Variants in PAK3 observed in about 807,000 individuals in gnomAD.
PAK3 encodes serine/threonine-protein kinase PAK 3.
PAK3 carries 4 observed loss-of-function variants against 41.0 expected under a neutral mutation model. The ratio of observed to expected loss-of-function variants is 0.10; its 90% CI spans 0.05 to 0.22. The LOEUF (loss-of-function observed/expected upper bound fraction) is 0.22. Among genes scored for constraint, PAK3 ranks in the 10% least tolerant of loss-of-function variants. PAK3 has a pLI of 1.00. For missense variants in PAK3, 205 were observed against 409.9 expected (o/e 0.50, Z 4.32); for synonymous variants, 146 against 139.6 (o/e 1.05, Z -0.32).
chrX:111,042,863 C>T (rs191933458), intron 1 of PAK3, among the ~76,000 whole-genome samples: 22 of 112,205 alleles, frequency 2.0e-4, no homozygotes, highest in East Asian at 8.4e-4. Context: ...TTTTATGTCC[C>T]TTTCCCCTCA....
chrX:111,022,101 A>G (rs2092193296), intron 1 of PAK3, among the ~76,000 whole-genome samples: 1 of 112,206 alleles, frequency 8.9e-6, no homozygotes, highest in Non-Finnish European at 1.9e-5. Flanking sequence ...TGGAAAACAT[A>G]TTTGAGGGAA....
At chrX:111,006,844 T>TCTTA (rs2091935788) in intron 1 of PAK3, among the ~76,000 whole-genome samples, 2 of 12,506 alleles carry the variant, frequency 1.6e-4, no homozygotes, top group African/African-American at 2.4e-4. Flanking sequence ...TTTCTTTCTT[T>TCTTA]CTTTCTTTTT....
chrX:110,960,262 G>T (rs1238060739), intron 1 of PAK3, among the ~76,000 whole-genome samples: 1 of 112,121 alleles, frequency 8.9e-6, no homozygotes, highest in African/African-American at 3.2e-5. Flanking sequence ...TATCAGGAAG[G>T]TGCCAGTGAG....
chrX:110,987,315 C>T lies in PAK3; in HGVS notation c.-28+42687C>T, dbSNP rs571102528. ...CTTGTGGAAGTCGGGGCAACCTGTC[C>T]CTCAGGCAGTGTGGATGGAGAGTGT... is the stretch of plus-strand genomic sequence containing the variant. On this transcript the variant is annotated intron_variant, in intron 1 of 14. Transcript: ENST00000425146. Among the ~76,000 whole-genome samples, 14 of 112,683 alleles carry T rather than the reference C, an allele frequency of 1.2e-4. No homozygotes were observed. The South Asian group carries it at 4.8e-3, about 39-fold the overall frequency.
chrX:111,162,974 AGAG>A lies in PAK3; in HGVS notation c.531_533del (p.Glu182del). 1 of 1,204,197 alleles carries A rather than the reference AGAG, an allele frequency of 8.3e-7. No homozygotes were observed. The highest frequency in any genetic ancestry group is 1.1e-6 in the Non-Finnish European group (1 of 888,754). ...CTCCTGTGTCTGAAGAAGAAGATGA[AGAG>A]GAAGAAGAAGAAGAAGATGAAAATG... On this transcript the variant is annotated inframe_deletion, in exon 9 of 18. Coordinates refer to ENST00000372007, the MANE Select transcript of PAK3 (RefSeq NM_002578.5).
intron 1 of PAK3, among the ~76,000 whole-genome samples, chrX:110,974,366 T>C (rs537006700): frequency 4.5e-5 from 5 of 111,817 alleles, no homozygotes; most frequent in Admixed American, 9.5e-5. Flanking sequence ...CTAGAAGAAA[T>C]GGATAAATTC....
At chrX:110,994,140 C>G (rs2091700081) in intron 1 of PAK3, among the ~76,000 whole-genome samples, 1 of 112,209 alleles carries the variant, frequency 8.9e-6, no homozygotes, top group African/African-American at 3.2e-5. Context: ...AGCAGTATTA[C>G]ATGTTGAATT....
chrX:111,037,959 C>G (rs772499944), intron 1 of PAK3, among the ~76,000 whole-genome samples: 80 of 110,951 alleles, frequency 7.2e-4, no homozygotes, highest in African/African-American at 2.6e-3. Flanking sequence ...GCTTTAGTGA[C>G]AAAAAGATGA....
intron 1 of PAK3, among the ~76,000 whole-genome samples, chrX:111,016,713 G>A (rs1408051888): frequency 1.3e-5 from 1 of 74,960 alleles, no homozygotes; most frequent in Non-Finnish European, 2.4e-5. Context: ...CTACATCAGT[G>A]CTAAAGAAGA....
At position 111,186,943 on chromosome X, in the gene PAK3, T is replaced by C. The variant is rs1327055796; in HGVS notation, c.831-5184T>C. Among the ~76,000 whole-genome samples the C allele has an allele frequency of 3.6e-5, 4 of 111,869 alleles. No homozygotes were observed. The South Asian group carries it at 1.1e-3, about 31-fold the overall frequency. On this transcript the variant is annotated intron_variant, in intron 11 of 17. Transcript: ENST00000372007. ...CAGCACAACATGGTTGGCATGAAGATTGTTTCTTTGGGAGTATACACTACT... is the reference window on the plus strand; with the variant it reads ...CAGCACAACATGGTTGGCATGAAGACTGTTTCTTTGGGAGTATACACTACT...
chrX:111,051,177 TG>T (rs1489074004), intron 1 of PAK3, among the ~76,000 whole-genome samples: 1 of 111,591 alleles, frequency 9.0e-6, no homozygotes, highest in Admixed American at 9.5e-5. Flanking sequence ...CAACTCCTGT[TG>T]GGGGAAAAAA....
chrX:111,069,224 C>G (rs2092723968), intron 1 of PAK3, among the ~76,000 whole-genome samples: 2 of 111,888 alleles, frequency 1.8e-5, no homozygotes, highest in Admixed American at 1.9e-4. Context: ...CTTTGTCAGT[C>G]AGGACACATC....
At chrX:111,089,210 A>G (rs986096254) in intron 1 of PAK3, among the ~76,000 whole-genome samples, 3 of 112,019 alleles carry the variant, frequency 2.7e-5, no homozygotes, top group African/African-American at 9.7e-5. Context: ...ATATCAAAAT[A>G]TTGGGGGAAC....
chrX:111,118,218 T>C (rs139410275), intron 4 of PAK3, among the ~76,000 whole-genome samples: 1,180 of 112,023 alleles, frequency 0.011, 8 homozygotes, highest in African/African-American at 0.027. Flanking sequence ...CTTCTTACAT[T>C]ATCAGTCATA....
intron 1 of PAK3, among the ~76,000 whole-genome samples, chrX:111,036,536 C>G (rs889956769): frequency 1.8e-5 from 2 of 111,897 alleles, no homozygotes; most frequent in Non-Finnish European, 3.8e-5. Flanking sequence ...CTTGTGAGAA[C>G]TCACTCTCAC....
upstream of PAK3, among the ~76,000 whole-genome samples, chrX:111,094,666 C>A (rs186289107): frequency 0.019 from 1,954 of 100,205 alleles, 65 homozygotes; most frequent in African/African-American, 0.069. Context: ...TTTTGTCTGG[C>A]GAATCTGTAG....
chrX:111,057,308 T>TA (rs768428785), intron 1 of PAK3, among the ~76,000 whole-genome samples: 14 of 111,554 alleles, frequency 1.3e-4, no homozygotes, highest in African/African-American at 3.6e-4. Context: ...AGTCAAAAAA[T>TA]AAAAAAATAT....
At chrX:110,959,336 C>T (rs2090931152) in intron 1 of PAK3, among the ~76,000 whole-genome samples, 1 of 111,975 alleles carries the variant, frequency 8.9e-6, no homozygotes, top group African/African-American at 3.2e-5. Flanking sequence ...CTGCCACTAC[C>T]CCAAATGTAA....
intron 1 of PAK3, among the ~76,000 whole-genome samples, chrX:111,004,542 C>T (rs993100672): frequency 2.7e-5 from 3 of 112,287 alleles, no homozygotes; most frequent in Non-Finnish European, 3.8e-5. Context: ...TTTGTTAGCT[C>T]GAGTGAAGCT....
Sources: gnomAD v4.1 joint callset for allele counts (sites outside exome capture counted in the v4.1 genomes callset) on GRCh38, gnomAD v4.1.1 for gene constraint, MANE v1.5 for transcripts, NCBI Gene and HGNC (gene_info 2026-07-23, HGNC 2026-07-21) for gene names.